GBP5: variants seen among roughly 807,000 people sequenced by gnomAD.
GBP5 encodes the protein guanylate binding protein 5.
GBP5 carries 48 observed loss-of-function variants against 58.2 expected under a neutral mutation model. The ratio of observed to expected loss-of-function variants is 0.83; its 90% CI spans 0.65 to 1.05. GBP5 has a LOEUF of 1.05. GBP5 is among the 50% of genes least tolerant of loss of function. The pLI, the probability that GBP5 is intolerant of heterozygous loss-of-function variation, is 0.00. For missense variants in GBP5, 714 were observed against 686.8 expected (o/e 1.04, Z -0.44); for synonymous variants, 248 against 251.8 (o/e 0.98, Z 0.14).
At position 89,262,372 on chromosome 1, in the gene GBP5, C is replaced by A. The variant is rs1025161196; in HGVS notation, c.1495G>T (p.Ala499Ser). The change falls in exon 11 of 12, where the codon GCT becomes TCT. Residue 499 changes from alanine (A) to serine (S), a missense_variant. By Grantham distance (99) the Ala-to-Ser change is moderately conservative (BLOSUM62 1). Coordinates refer to ENST00000370459, the MANE Select transcript of GBP5 (RefSeq NM_052942.5). ...ATCGCCGCCAACCTTTGCGCTTCAG[C>A]CTTTTCAGCTTCTGCTTTCACTTGT... ...EAQVKAEAEK[A>S]EAQRLAAIQR... 15 of 1,613,852 alleles carry A rather than the reference C, an allele frequency of 9.3e-6. No individual in the cohort carries two copies. The African/African-American group carries it at 2.0e-4, about 22-fold the overall frequency.
intron 11 of GBP5, 21 bp from the exon 12 acceptor site, chr1:89,260,838 A>G: frequency 6.4e-7 from 1 of 1,561,156 alleles, no homozygotes; most frequent in Non-Finnish European, 8.8e-7. Context: ...ATAAATAGAA[A>G]GTAAGATCAA....
chr1:89,269,501 C>T lies in GBP5; in HGVS notation c.55G>A (p.Glu19Lys), dbSNP rs867725611. ...DPMCLIENFN[E>K]QLKVNQEALE... Reference sequence around the variant, plus strand: ...GCTTCCTGATTAACCTTCAGCTGCTCATTAAAGTTCTCGATGAGGCACATG... The same window carrying T: ...GCTTCCTGATTAACCTTCAGCTGCTTATTAAAGTTCTCGATGAGGCACATG... The change falls in exon 3 of 12, where the codon GAG (glutamate) becomes AAG (lysine). Residue 19 changes from glutamate (E) to lysine (K), a missense_variant. Transcript: ENST00000370459. 6.2e-7 allele frequency: 1 copy of T among 1,613,860 alleles called. No individual in the cohort carries two copies. Among genetic ancestry groups the T allele is most frequent in the African/African-American group, 1.3e-5 (1 of 74,894 alleles).
At position 89,262,688 on chromosome 1, in the gene GBP5, T is replaced by C; in HGVS notation, c.1460A>G (p.Lys487Arg). Residue 487 changes from lysine (K) to arginine (R), a missense_variant, in exon 10 of 12, where the codon AAG becomes AGG. By Grantham distance (26) the Lys-to-Arg change is conservative (BLOSUM62 2). Transcript: ENST00000370459. Reference protein sequence around the residue: ...DQALTETEKKKKEAQVKAEAE... With the variant: ...DQALTETEKKRKEAQVKAEAE... Reference sequence around the variant, plus strand: ...AATTTCCACTTTCTTCTCACCTTTCTTCTTTTTTTCCGTCTCTGTGAGAGC... The same window carrying C: ...AATTTCCACTTTCTTCTCACCTTTCCTCTTTTTTTCCGTCTCTGTGAGAGC... The C allele has an allele frequency of 6.3e-7, 1 of 1,593,944 alleles. No homozygotes were observed. Among genetic ancestry groups the C allele is most frequent in the Non-Finnish European group, 8.6e-7 (1 of 1,162,712 alleles).
intron 7 of GBP5, among the ~76,000 whole-genome samples, chr1:89,265,905 A>G (rs1650194547): frequency 6.6e-6 from 1 of 152,202 alleles, no homozygotes; most frequent in Non-Finnish European, 1.5e-5. Flanking sequence ...AACTAGGCCC[A>G]AAAGTCTGCT....
chr1:89,272,001 T>G (rs1650474438), intron 1 of GBP5: 1 of 152,238 alleles, frequency 6.6e-6, no homozygotes, highest in East Asian at 1.9e-4. Context: ...AACTTCTCTC[T>G]GGGCAACATT....
Position 89,269,475 on chromosome 1 carries a change from A to G in GBP5, c.81T>C (p.Ala27=), listed in dbSNP as rs750001145. The G allele has an allele frequency of 1.2e-6, 2 of 1,614,116 alleles. No homozygotes were observed. The highest frequency in any genetic ancestry group is 1.7e-6 in the Non-Finnish European group (2 of 1,179,994). Residue 27 remains alanine (A), a synonymous_variant, in exon 3 of 12, where the codon GCT becomes GCC. Coordinates refer to ENST00000370459, the MANE Select transcript of GBP5 (RefSeq NM_052942.5). ...FNEQLKVNQE[A]LEILSAITQP... Reference sequence around the variant, plus strand: ...GCGTAATGGCAGACAGGATCTCCAAAGCTTCCTGATTAACCTTCAGCTGCT... The same window carrying G: ...GCGTAATGGCAGACAGGATCTCCAAGGCTTCCTGATTAACCTTCAGCTGCT...
At chr1:89,262,163 AC>A in intron 11 of GBP5, 56 bp downstream of exon 11, 1 of 1,529,954 alleles carries the variant, frequency 6.5e-7, no homozygotes, top group Non-Finnish European at 9.0e-7. Flanking sequence ...CCTCTTTGCC[AC>A]TGCTACATAC....
Position 89,262,767 on chromosome 1 carries a change from T to A in GBP5, c.1381A>T (p.Lys461Ter), listed in dbSNP as rs758125506. The A allele has an allele frequency of 3.4e-5, 53 of 1,570,740 alleles. No homozygotes were observed. Among genetic ancestry groups the A allele is most frequent in the Non-Finnish European group, 4.5e-5 (53 of 1,165,902 alleles). Residue 461 changes from lysine to a stop codon, truncating the protein, a stop_gained, in exon 10 of 12, where the codon AAA (lysine) becomes TAA (stop). Transcript: ENST00000370459. LOFTEE classifies it high-confidence loss of function. Reference sequence around the variant, plus strand: ...ACAGACTCCTTGGACTTTAAATATTTCTGCAGAACTTCTTCAGCCTAGCAA... The same window carrying A: ...ACAGACTCCTTGGACTTTAAATATTACTGCAGAACTTCTTCAGCCTAGCAA... The part of the protein sequence containing the change: ...KGIQAEEVLQ[K>*]YLKSKESVSH...
rs1049034393 is a variant in GBP5, at chr1:89,268,867, G to C, written c.191-11C>G. 1 of 1,612,508 alleles carries C rather than the reference G, an allele frequency of 6.2e-7. No homozygotes were observed. Among genetic ancestry groups the C allele is most frequent in the African/African-American group, 1.3e-5 (1 of 74,826 alleles). ...ATGCAACAGAGAAGCCTGTCAGGGG[G>C]AGTGAGAGGTTGTAATAGAAGAGAA... On this transcript the variant is annotated splice_polypyrimidine_tract_variant and intron_variant, in intron 3 of 11. Coordinates refer to ENST00000370459, the MANE Select transcript of GBP5 (RefSeq NM_052942.5).
rs1447803076 is a variant in GBP5 at position 89,270,872 on chromosome 1, C to T, written c.-127-10G>A. On this transcript the variant is annotated splice_polypyrimidine_tract_variant and intron_variant, in intron 1 of 11. Transcript: ENST00000370459. ...GATCTACAACAATTAGCTAGAAAAA[C>T]AAAAGATACATAAGCCAAATCTATA... 6.6e-6 allele frequency: 1 copy of T among 152,058 alleles called. No individual in the cohort carries two copies. The highest frequency in any genetic ancestry group is 1.5e-5 in the Non-Finnish European group (1 of 68,012). The allele number at this position is 152,058 out of a possible 1,614,324, so 9.4% of individuals were successfully genotyped here. A position where few individuals can be genotyped will look rare whatever the true frequency, so the allele number is the denominator to read the frequency against.
At chr1:89,271,303 C>T (rs1245415302) in intron 1 of GBP5, 2 of 152,210 alleles carry the variant, frequency 1.3e-5, no homozygotes, top group Non-Finnish European at 2.9e-5. Context: ...CCAACCCCAG[C>T]CCTACAACTG....
rs1031630028 is a variant in GBP5, at chr1:89,258,767, C to T, written c.*1937G>A. ...AAAAACAGAGCTTTGTGTAATGTTTCTATAATTTAAACAAAAAAAATTTTA... is the reference window on the plus strand; with the variant it reads ...AAAAACAGAGCTTTGTGTAATGTTTTTATAATTTAAACAAAAAAAATTTTA... On this transcript the variant is annotated 3_prime_UTR_variant, in exon 12 of 12. Coordinates refer to ENST00000370459, the MANE Select transcript of GBP5 (RefSeq NM_052942.5). Among the ~76,000 whole-genome samples, 1 of 151,932 alleles carries T rather than the reference C, an allele frequency of 6.6e-6. No individual in the cohort carries two copies. Among genetic ancestry groups the T allele is most frequent in the African/African-American group, 2.4e-5 (1 of 41,386 alleles).
rs779026535 is a variant in GBP5, at chr1:89,267,131, G to C, written c.451C>G (p.Leu151Val). 5.6e-6 allele frequency: 9 copies of C among 1,602,014 alleles called. No homozygotes were observed. In the South Asian group the frequency reaches 9.0e-5, roughly 16 times the overall value. Reference protein sequence around the residue: ...LLHNVTELTDLLKARNSPDLD... With the variant: ...LLHNVTELTDVLKARNSPDLD... ...TCGGGTGAGTTTCTTGCCTTGAGCA[G>C]ATCTGTCAGTTCTGTCACATTGCTG... Residue 151 changes from leucine to valine, a missense_variant, in exon 6 of 12, where the codon CTG (leucine) becomes GTG (valine). Coordinates refer to ENST00000370459, the MANE Select transcript of GBP5 (RefSeq NM_052942.5).
In GBP5 at chr1:89,270,797, G is replaced by A. The variant is rs1260983675; in HGVS notation, c.-62C>T. On this transcript the variant is annotated 5_prime_UTR_variant, in exon 2 of 12. Transcript: ENST00000370459. ...CTGGTTGCCTGATTTGTATGCAGCG[G>A]AGGCCAGAATAATTTTTCCACTAGA... 1 of 152,180 alleles carries A rather than the reference G, an allele frequency of 6.6e-6. No individual in the cohort carries two copies. Among genetic ancestry groups the A allele is most frequent in the Non-Finnish European group, 1.5e-5 (1 of 68,020 alleles). The allele number at this position is 152,180 out of a possible 1,614,324, so 9.4% of individuals were successfully genotyped here. A position where few individuals can be genotyped will look rare whatever the true frequency, so the allele number is the denominator to read the frequency against.
chr1:89,262,458 C>A, intron 10 of GBP5, 57 bp from the exon 11 acceptor site: 1 of 1,479,990 alleles, frequency 6.8e-7, no homozygotes, highest in Admixed American at 1.9e-5. Context: ...TTCTGCCTCC[C>A]ACTTTTGTTT....
intron 1 of GBP5, chr1:89,271,550 A>G (rs751773047): frequency 6.6e-6 from 1 of 152,236 alleles, no homozygotes; most frequent in Non-Finnish European, 1.5e-5. Context: ...ATCTGTTTTC[A>G]GCCATATGAT....
In GBP5 at chr1:89,257,065, T is replaced by G. The variant is rs1649811258; in HGVS notation, c.*3639A>C. 6.6e-6 allele frequency among the ~76,000 whole-genome samples: 1 copy of G among 152,222 alleles called. No individual in the cohort carries two copies. The highest frequency in any genetic ancestry group is 1.5e-5 in the Non-Finnish European group (1 of 68,036). On this transcript the variant is annotated 3_prime_UTR_variant, in exon 12 of 12. Transcript: ENST00000370459. Reference sequence around the variant, plus strand: ...GTAATTCCTTCTAAATTTTAACACATTATTCAGTATTTCTATGTTTTCCTA... The same window carrying G: ...GTAATTCCTTCTAAATTTTAACACAGTATTCAGTATTTCTATGTTTTCCTA...
At chr1:89,269,780 TCTA>T in intron 2 of GBP5, 2 of 373,708 alleles carry the variant, frequency 5.4e-6, no homozygotes, top group Non-Finnish European at 9.7e-6. Context: ...CCTTTATATG[TCTA>T]CTATAGGCCA....
At chr1:89,268,920 C>T (rs1650333677) in intron 3 of GBP5, 64 bp from the exon 4 acceptor site, 1 of 1,551,066 alleles carries the variant, frequency 6.4e-7, no homozygotes, top group African/African-American at 1.4e-5. Context: ...TTTGCTTGAT[C>T]ATTCAGCTAG....
Sources: gnomAD v4.1 joint callset for allele counts (sites outside exome capture counted in the v4.1 genomes callset) on GRCh38, gnomAD v4.1.1 for gene constraint, MANE v1.5 for transcripts, NCBI Gene and HGNC (gene_info 2026-07-23, HGNC 2026-07-21) for gene names.